RAP1GAP2: variants seen among roughly 807,000 people sequenced by gnomAD.
RAP1GAP2 encodes RAP1 GTPase activating protein 2, also known as rap1 GTPase-activating protein 2.
Under a neutral mutation model 95.0 loss-of-function variants are expected in RAP1GAP2, and 27 were observed. That is an observed-to-expected ratio of 0.28 (90% CI 0.21 to 0.39). The LOEUF (loss-of-function observed/expected upper bound fraction) is 0.39, where lower values mean the gene tolerates loss of function less well. RAP1GAP2 is among the 10% of genes least tolerant of loss of function. The pLI, the probability that RAP1GAP2 is intolerant of heterozygous loss-of-function variation, is 1.00. For missense variants in RAP1GAP2, 771 were observed against 970.0 expected, an observed-to-expected ratio of 0.79 and a Z score of 2.72; for synonymous variants, 373 against 380.9, an observed-to-expected ratio of 0.98 and a Z score of 0.24.
intron 2 of RAP1GAP2, among the ~76,000 whole-genome samples, chr17:2,887,158 A>G (rs1366821168): frequency 6.6e-6 from 1 of 151,940 alleles, no homozygotes; most frequent in Admixed American, 6.6e-5. Context: ...CCTAGGTCCA[A>G]GCGATTCTAG....
At chr17:2,854,615 C>G (rs967993780) in intron 2 of RAP1GAP2, among the ~76,000 whole-genome samples, 2 of 152,262 alleles carry the variant, frequency 1.3e-5, no homozygotes, top group Non-Finnish European at 2.9e-5. Flanking sequence ...GTGACTTTGC[C>G]TCTTCGCCTT....
intron 2 of RAP1GAP2, among the ~76,000 whole-genome samples, chr17:2,770,672 A>T (rs1208745048): frequency 1.3e-5 from 2 of 152,212 alleles, no homozygotes; most frequent in East Asian, 1.9e-4. Context: ...TATAAAACGG[A>T]TAGGATCATA....
At chr17:2,933,044 G>T (rs1409996442) in intron 3 of RAP1GAP2, among the ~76,000 whole-genome samples, 1 of 152,214 alleles carries the variant, frequency 6.6e-6, no homozygotes. Flanking sequence ...AGGAGGCCCA[G>T]TGTCCCCGCG....
At chr17:2,908,566 G>A (rs1307511545) in intron 3 of RAP1GAP2, among the ~76,000 whole-genome samples, 1 of 152,064 alleles carries the variant, frequency 6.6e-6, no homozygotes, top group Non-Finnish European at 1.5e-5. Context: ...GATTTTGCAG[G>A]TGGTGAATTG....
At position 3,036,339 on chromosome 17, in the gene RAP1GAP2, C is replaced by A. The variant is rs1290928107; in HGVS notation, c.*2978C>A. On this transcript the variant is annotated 3_prime_UTR_variant, in exon 25 of 25. Transcript: ENST00000254695. Reference sequence around the variant, plus strand: ...GCTGTTGGCAAAGCTGGGATTAGAACCCTCAACCCAGGGTCCCTTCCTCTG... The same window carrying A: ...GCTGTTGGCAAAGCTGGGATTAGAAACCTCAACCCAGGGTCCCTTCCTCTG... The A allele has an allele frequency of 2.0e-5, 3 of 152,196 alleles. No individual in the cohort carries two copies. In the East Asian group the frequency reaches 5.8e-4, roughly 29 times the overall value. The allele number at this position is 152,196 out of a possible 1,614,324, so 9.4% of individuals were successfully genotyped here.
chr17:3,009,820 A>T (rs556068126), intron 17 of RAP1GAP2, among the ~76,000 whole-genome samples: 1 of 152,268 alleles, frequency 6.6e-6, no homozygotes, highest in East Asian at 1.9e-4. Context: ...ATGCAGAAGA[A>T]GAGGAACGGG....
intron 2 of RAP1GAP2, among the ~76,000 whole-genome samples, chr17:2,875,035 C>T (rs534276593): frequency 9.2e-5 from 14 of 152,258 alleles, no homozygotes; most frequent in African/African-American, 2.4e-4. Flanking sequence ...TTGGGGACGG[C>T]GCCCTTCGAC....
At chr17:2,863,001 A>C (rs2072468221) in intron 2 of RAP1GAP2, among the ~76,000 whole-genome samples, 1 of 149,620 alleles carries the variant, frequency 6.7e-6, no homozygotes, top group Non-Finnish European at 1.5e-5. Flanking sequence ...TGTCTCAAAA[A>C]AAAAAAAAAA....
chr17:2,962,426 A>G, intron 4 of RAP1GAP2: 2 of 490,484 alleles, frequency 4.1e-6, no homozygotes. Context: ...GATAGGTGGC[A>G]GTGTTGGGAT....
At chr17:2,779,563 A>G (rs1197144593) in intron 1 of RAP1GAP2, among the ~76,000 whole-genome samples, 1 of 152,110 alleles carries the variant, frequency 6.6e-6, no homozygotes, top group Non-Finnish European at 1.5e-5. Context: ...GGAGTCAGCG[A>G]TGTCCTGCTC....
At chr17:2,800,450 T>C in intron 1 of RAP1GAP2, 65 bp from the exon 2 acceptor site, 2 of 1,525,954 alleles carry the variant, frequency 1.3e-6, no homozygotes, top group Non-Finnish European at 1.8e-6. Flanking sequence ...GACTCCTCCA[T>C]ACAGATGCTA....
chr17:3,003,574 T>A lies in RAP1GAP2; in HGVS notation c.1201-1795T>A, dbSNP rs1053422262. On this transcript the variant is annotated intron_variant, in intron 14 of 24. Coordinates refer to ENST00000254695, the MANE Select transcript of RAP1GAP2 (RefSeq NM_015085.5). The surrounding 1 kb of genome is among the most constrained non-coding windows in gnomAD (Gnocchi z 4.1). ...TGGGGCCTTTGTCACGTTTGAAGCT[T>A]TCTGAGGTTCCCAGTGCATCCTCAT... is the stretch of plus-strand genomic sequence containing the variant. 2.0e-5 allele frequency among the ~76,000 whole-genome samples: 3 copies of A among 152,130 alleles called. No individual in the cohort carries two copies. Among genetic ancestry groups the A allele is most frequent in the Non-Finnish European group, 4.4e-5 (3 of 68,010 alleles).
chr17:2,774,574 C>T (rs562436016), upstream of RAP1GAP2, among the ~76,000 whole-genome samples: 1 of 149,246 alleles, frequency 6.7e-6, no homozygotes, highest in African/African-American at 2.5e-5. Context: ...CCGGTTCAAG[C>T]GATTCTTCTG....
At position 2,983,509 on chromosome 17, in the gene RAP1GAP2, C is replaced by T. The variant is rs550973749; in HGVS notation, c.730-1474C>T. On this transcript the variant is annotated intron_variant, in intron 10 of 24. Transcript: ENST00000254695. ...TTAGTAATTTAATGTTTGTGTCTTT[C>T]GTAGCAAATAATTACTTCATTGAAG... Among the ~76,000 whole-genome samples the T allele has an allele frequency of 1.8e-4, 28 of 152,334 alleles. 1 individual carries two copies. Among genetic ancestry groups the T allele is most frequent in the Admixed American group, 1.2e-3 (18 of 15,298 alleles).
At chr17:2,939,964 G>A (rs752765710) in intron 3 of RAP1GAP2, among the ~76,000 whole-genome samples, 5 of 152,236 alleles carry the variant, frequency 3.3e-5, no homozygotes, top group African/African-American at 9.6e-5. Context: ...GTTGTCCAGC[G>A]TCAGCAGCAG....
At chr17:2,936,258 TC>T (rs554337086) in intron 3 of RAP1GAP2, among the ~76,000 whole-genome samples, 1 of 64,310 alleles carries the variant, frequency 1.6e-5, no homozygotes, top group African/African-American at 6.5e-5. Flanking sequence ...CCCTCCCCCC[TC>T]CCCCCACCCA....
intron 9 of RAP1GAP2, among the ~76,000 whole-genome samples, chr17:2,980,843 G>T (rs2045329995): frequency 6.6e-6 from 1 of 152,200 alleles, no homozygotes; most frequent in Non-Finnish European, 1.5e-5. Flanking sequence ...GGGTGAGCAA[G>T]AGAGTCAGCT....
In RAP1GAP2 at chr17:2,836,379, C is replaced by T. The variant is rs2071131460; in HGVS notation, c.80+35829C>T. ...GGGTGCAGTGGCTCACACCTGTAAT[C>T]TCAGGACTTGGGGAGGCCAAGGCAG... On this transcript the variant is annotated intron_variant, in intron 2 of 24. Transcript: ENST00000254695. 1.3e-5 allele frequency among the ~76,000 whole-genome samples: 2 copies of T among 152,128 alleles called. 1 individual carries two copies. Among genetic ancestry groups the T allele is most frequent in the South Asian group, 4.1e-4 (2 of 4,828 alleles).
chr17:2,816,148 A>T (rs2070012884), intron 2 of RAP1GAP2, among the ~76,000 whole-genome samples: 1 of 152,072 alleles, frequency 6.6e-6, no homozygotes, highest in South Asian at 2.1e-4. Flanking sequence ...GAAGAGCTGG[A>T]AGAGGCCCGA....
Sources: gnomAD v4.1 joint callset for allele counts (sites outside exome capture counted in the v4.1 genomes callset) on GRCh38, gnomAD v4.1.1 for gene constraint, Gnocchi (gnomAD v3.1) non-coding constraint, MANE v1.5 for transcripts, NCBI Gene and HGNC (gene_info 2026-07-23, HGNC 2026-07-21) for gene names.